Variants in SKI observed in about 807,000 individuals in gnomAD.
SKI encodes the protein ski oncogene.
In SKI, 23 loss-of-function variants were observed where a neutral mutation model predicts 59.3. The ratio of observed to expected loss-of-function variants is 0.39; its 90% CI spans 0.28 to 0.55. The LOEUF is 0.55. Ranked by LOEUF, SKI falls within the 20% of genes least tolerant of loss-of-function variation. The pLI, the probability that SKI is intolerant of heterozygous loss-of-function variation, is 0.67. For missense variants in SKI, 1,017 were observed against 1,038.9 expected (o/e 0.98, Z 0.29); for synonymous variants, 673 against 488.6 (o/e 1.38, Z -4.98).
chr1:2,258,472 G>A (rs1639318932), intron 1 of SKI, among the ~76,000 whole-genome samples: 1 of 151,902 alleles, frequency 6.6e-6, no homozygotes, highest in South Asian at 2.1e-4. Flanking sequence ...TCAGGAAATG[G>A]AGTAACAGGT....
At chr1:2,273,483 TTCTG>T (rs1442322115) in intron 1 of SKI, among the ~76,000 whole-genome samples, 2 of 152,194 alleles carry the variant, frequency 1.3e-5, no homozygotes, top group Admixed American at 1.3e-4. Context: ...CCATGCCTCA[TTCTG>T]TCTGTGATGG....
At position 2,306,831 on chromosome 1, in the gene SKI, A is replaced by AGCTCCGCCCG. The variant is rs760271148; in HGVS notation, c.*76_*85dup. The AGCTCCGCCCG allele has an allele frequency of 4.3e-6, 5 of 1,168,992 alleles. No homozygotes were observed. The highest frequency in any genetic ancestry group is 1.7e-5 in the African/African-American group (1 of 59,964). The allele number at this position is 1,168,992 out of a possible 1,614,324, so 72.4% of individuals were successfully genotyped here. A position where few individuals can be genotyped will look rare whatever the true frequency, so the allele number is the denominator to read the frequency against. On this transcript the variant is annotated 3_prime_UTR_variant, in exon 7 of 7. Coordinates refer to ENST00000378536, the MANE Select transcript of SKI (RefSeq NM_003036.4). ...GCAGGGGGGCGCGGCTGGGCGGTGC[A>AGCTCCGCCCG]GCTCCGCCCGGCTCCGCCCCTGCAG...
Position 2,303,280 on chromosome 1 carries a change from G to T in SKI, c.1096-5G>T, listed in dbSNP as rs566936949. ...TCACTCACACAGACAACTCTTTCTC[G>T]ACAGAGCCTGGGCTGTGTTCACCCT... On this transcript the variant is annotated splice_polypyrimidine_tract_variant and splice_region_variant and intron_variant, in intron 2 of 6. Coordinates refer to ENST00000378536, the MANE Select transcript of SKI (RefSeq NM_003036.4). The surrounding 1 kb of genome is among the most constrained non-coding windows in gnomAD (Gnocchi z 5.6). The T allele has an allele frequency of 6.2e-7, 1 of 1,612,960 alleles. No homozygotes were observed. The highest frequency in any genetic ancestry group is 1.3e-5 in the African/African-American group (1 of 74,898).
chr1:2,232,233 T>C (rs1420768195), intron 1 of SKI, among the ~76,000 whole-genome samples: 1 of 152,264 alleles, frequency 6.6e-6, no homozygotes, highest in African/African-American at 2.4e-5. Flanking sequence ...GAACAAAGAA[T>C]GTACTGGAAC....
At position 2,275,995 on chromosome 1, in the gene SKI, G is replaced by A. The variant is rs374340249; in HGVS notation, c.970-26983G>A. Among the ~76,000 whole-genome samples, 110 of 152,304 alleles carry A rather than the reference G, an allele frequency of 7.2e-4. 1 individual carries two copies. The South Asian group carries it at 0.022, about 30-fold the overall frequency. On this transcript the variant is annotated intron_variant, in intron 1 of 6. Transcript: ENST00000378536. Reference sequence around the variant, plus strand: ...GAAGGGAAATCAGGCTGGTCCTGGGGCAGGCAGCCTCTCAGAGCTGTTGAG... The same window carrying A: ...GAAGGGAAATCAGGCTGGTCCTGGGACAGGCAGCCTCTCAGAGCTGTTGAG...
intron 1 of SKI, among the ~76,000 whole-genome samples, chr1:2,253,586 G>A (rs927618148): frequency 2.6e-5 from 4 of 152,196 alleles, no homozygotes; most frequent in African/African-American, 9.7e-5. Context: ...CCTCTGCCAG[G>A]GCCTCCTCAC....
chr1:2,290,291 G>A (rs879493439), intron 1 of SKI, among the ~76,000 whole-genome samples: 3 of 152,212 alleles, frequency 2.0e-5, no homozygotes, highest in Non-Finnish European at 4.4e-5. Flanking sequence ...GGGAGCAGCT[G>A]TGAGGGTGTG....
chr1:2,229,210 C>G lies in SKI; in HGVS notation c.444C>G (p.Ile148Met). 1 of 1,609,648 alleles carries G rather than the reference C, an allele frequency of 6.2e-7. No individual in the cohort carries two copies. The highest frequency in any genetic ancestry group is 8.5e-7 in the Non-Finnish European group (1 of 1,178,546). The part of the protein sequence containing the change: ...QINAVCDELH[I>M]YCSRCTADQL... Reference sequence around the variant, plus strand: ...ACGCGGTGTGCGACGAGCTCCACATCTACTGCTCGCGCTGCACGGCCGACC... The same window carrying G: ...ACGCGGTGTGCGACGAGCTCCACATGTACTGCTCGCGCTGCACGGCCGACC... The change falls in exon 1 of 7, where the codon ATC (isoleucine) becomes ATG (methionine). Residue 148 changes from isoleucine to methionine, a missense_variant. By Grantham distance (10) the Ile-to-Met change is conservative. Coordinates refer to ENST00000378536, the MANE Select transcript of SKI (RefSeq NM_003036.4). This position sits in a 1 kb window ranked among gnomAD's most constrained non-coding sequence, Gnocchi z 6.3.
Position 2,282,385 on chromosome 1 carries a change from A to G in SKI, c.970-20593A>G, listed in dbSNP as rs868838057. On this transcript the variant is annotated intron_variant, in intron 1 of 6. Transcript: ENST00000378536. ...ATCTTCAGAGAGAGGACGCCCGAGA[A>G]GACAGGCGGTGGCGGAGATCTTCAG... 9.5e-3 allele frequency among the ~76,000 whole-genome samples: 360 copies of G among 37,878 alleles called. 15 individuals carry two copies. Among genetic ancestry groups the G allele is most frequent in the Non-Finnish European group, 0.015 (266 of 17,976 alleles). The allele number at this position is 37,878 out of a possible 152,430, so 24.8% of individuals were successfully genotyped here. A position where few individuals can be genotyped will look rare whatever the true frequency, so the allele number is the denominator to read the frequency against.
Position 2,306,821 on chromosome 1 carries a change from T to C in SKI, c.*56T>C. The C allele has an allele frequency of 1.5e-6, 2 of 1,297,814 alleles. No homozygotes were observed. The highest frequency in any genetic ancestry group is 2.0e-6 in the Non-Finnish European group (2 of 1,007,306). 80.4% of individuals were successfully genotyped at this position (1,297,814 alleles called of 1,614,324 possible). On this transcript the variant is annotated 3_prime_UTR_variant, in exon 7 of 7. Coordinates refer to ENST00000378536, the MANE Select transcript of SKI (RefSeq NM_003036.4). Reference sequence around the variant, plus strand: ...CAACGCGGGTGCAGGGGGGCGCGGCTGGGCGGTGCAGCTCCGCCCGGCTCC... The same window carrying C: ...CAACGCGGGTGCAGGGGGGCGCGGCCGGGCGGTGCAGCTCCGCCCGGCTCC...
intron 1 of SKI, among the ~76,000 whole-genome samples, chr1:2,289,438 CT>C (rs1409651412): frequency 6.6e-6 from 1 of 151,456 alleles, no homozygotes; most frequent in Admixed American, 6.6e-5. Context: ...AAATGTGGCA[CT>C]GCAGAGCTAC....
intron 1 of SKI, among the ~76,000 whole-genome samples, chr1:2,265,423 A>G (rs1639482097): frequency 6.6e-6 from 1 of 152,116 alleles, no homozygotes; most frequent in Admixed American, 6.5e-5. Flanking sequence ...AATCCCATAT[A>G]GCGGATGTTT....
chr1:2,287,376 G>A (rs1430405678), intron 1 of SKI, among the ~76,000 whole-genome samples: 6 of 142,920 alleles, frequency 4.2e-5, no homozygotes, highest in African/African-American at 1.6e-4. Context: ...TGGCTCTGTC[G>A]CCCAGGCTGG....
At chr1:2,274,046 C>T (rs1335600552) in intron 1 of SKI, among the ~76,000 whole-genome samples, 1 of 151,724 alleles carries the variant, frequency 6.6e-6, no homozygotes, top group Non-Finnish European at 1.5e-5. Context: ...CGGGCCGTGT[C>T]CAGACCCAGC....
chr1:2,293,912 C>G (rs530545372), intron 1 of SKI, among the ~76,000 whole-genome samples: 1 of 152,196 alleles, frequency 6.6e-6, no homozygotes, highest in Non-Finnish European at 1.5e-5. Flanking sequence ...CGGTGGTCAC[C>G]GCGCCACCAT....
intron 1 of SKI, among the ~76,000 whole-genome samples, chr1:2,230,900 G>T (rs1225145165): frequency 6.6e-6 from 1 of 152,104 alleles, no homozygotes; most frequent in East Asian, 1.9e-4. Context: ...ATCGTGGGGA[G>T]GAGGGGCTGT....
intron 1 of SKI, among the ~76,000 whole-genome samples, chr1:2,283,298 C>G (rs1639953949): frequency 6.6e-6 from 1 of 152,212 alleles, no homozygotes; most frequent in Non-Finnish European, 1.5e-5. Context: ...GCTCTTGTTG[C>G]TGGCCCAGGG....
At position 2,306,607 on chromosome 1, in the gene SKI, G is replaced by A. The variant is rs1254335229; in HGVS notation, c.2029G>A (p.Ala677Thr). The stretch of plus-strand genomic sequence containing the variant: ...AGACCTGCAGGTGAAGCTGCAGCAC[G>A]CGGAGGCGGACCGGGAGCAGCTGCG... ...IEDLQVKLQH[A>T]EADREQLRAD... Residue 677 changes from alanine to threonine, a missense_variant, in exon 7 of 7, where the codon GCG (alanine) becomes ACG (threonine). Coordinates refer to ENST00000378536, the MANE Select transcript of SKI (RefSeq NM_003036.4). 3.9e-6 allele frequency: 6 copies of A among 1,544,178 alleles called. No individual in the cohort carries two copies. The highest frequency in any genetic ancestry group is 5.2e-6 in the Non-Finnish European group (6 of 1,145,588).
chr1:2,290,656 C>G (rs1640140885), intron 1 of SKI, among the ~76,000 whole-genome samples: 2 of 152,074 alleles, frequency 1.3e-5, no homozygotes, highest in African/African-American at 2.4e-5. Context: ...GGTTTGAGGT[C>G]TTGTAGGCAG....
Sources: gnomAD v4.1 joint callset for allele counts (sites outside exome capture counted in the v4.1 genomes callset) on GRCh38, gnomAD v4.1.1 for gene constraint, Gnocchi (gnomAD v3.1) non-coding constraint, MANE v1.5 for transcripts, NCBI Gene and HGNC (gene_info 2026-07-23, HGNC 2026-07-21) for gene names.